Variants in WDR70 observed in about 807,000 individuals in gnomAD.
The protein encoded by WDR70 is WD repeat-containing protein 70.
In WDR70, 53 loss-of-function variants were observed where a neutral mutation model predicts 88.6. The observed-to-expected ratio is 0.60, with a 90% confidence interval of 0.48 to 0.75. The LOEUF (loss-of-function observed/expected upper bound fraction) is 0.75, where lower values mean the gene tolerates loss of function less well. Ranked by LOEUF, WDR70 falls within the 30% of genes least tolerant of loss-of-function variation. The pLI is 0.00. For missense variants in WDR70, 610 were observed against 823.2 expected (o/e 0.74, Z 3.17); for synonymous variants, 280 against 270.0 (o/e 1.04, Z -0.36).
intron 3 of WDR70, among the ~76,000 whole-genome samples, chr5:37,384,660 CAAAAAAAAAA>C (rs70978807): frequency 8.4e-5 from 5 of 59,474 alleles, no homozygotes; most frequent in African/African-American, 1.5e-4. Context: ...ACTCTTGTCT[CAAAAAAAAAA>C]AAAAAAAAAA....
At position 37,437,959 on chromosome 5, in the gene WDR70, C is replaced by T. The variant is rs571718846; in HGVS notation, c.530C>T (p.Thr177Met). ...AAGATTCCTGACTCGCATGAGATAA[C>T]GCTGAAGCATGGCACTAAAACAGTA... ...VHKIPDSHEI[T>M]LKHGTKTVSA... Residue 177 changes from threonine to methionine, a missense_variant, in exon 6 of 18, where the codon ACG becomes ATG. Thr to Met is a moderately conservative substitution (Grantham distance 81). Around this residue, in one of 4 missense-constraint regions of WDR70, gnomAD observed 203 missense variants for 228.1 expected, o/e 0.89. Transcript: ENST00000265107. The T allele has an allele frequency of 5.3e-5, 85 of 1,610,382 alleles. No individual in the cohort carries two copies. In the South Asian group the frequency reaches 6.8e-4, roughly 13 times the overall value.
At chr5:37,487,529 ATTAAG>A (rs1017665960) in intron 8 of WDR70, among the ~76,000 whole-genome samples, 8 of 148,902 alleles carry the variant, frequency 5.4e-5, no homozygotes, top group South Asian at 2.1e-4. Context: ...TCCTAATTAT[ATTAAG>A]TTGTTATATT....
intron 10 of WDR70, among the ~76,000 whole-genome samples, chr5:37,663,187 G>T (rs2112579418): frequency 6.6e-6 from 1 of 152,220 alleles, no homozygotes; most frequent in South Asian, 2.1e-4. Context: ...AAGGGAAAAT[G>T]GTTTTAGTTT....
chr5:37,486,576 C>G (rs1389649519), intron 8 of WDR70, among the ~76,000 whole-genome samples: 1 of 152,102 alleles, frequency 6.6e-6, no homozygotes, highest in Non-Finnish European at 1.5e-5. Flanking sequence ...AACTCCTGAC[C>G]TCATGTGATC....
chr5:37,423,562 G>GTTTTTTTTTTTT (rs1750018083), intron 5 of WDR70, among the ~76,000 whole-genome samples: 1 of 126,492 alleles, frequency 7.9e-6, no homozygotes, highest in East Asian at 2.7e-4. Flanking sequence ...GTTTTTTTTT[G>GTTTTTTTTTTTT]TCTTTTTTTT....
intron 3 of WDR70, among the ~76,000 whole-genome samples, chr5:37,387,576 T>G (rs2886591): frequency 1.3e-5 from 2 of 152,084 alleles, no homozygotes; most frequent in Non-Finnish European, 2.9e-5. Context: ...AGCTTTAGCA[T>G]GTAAATAGAA....
intron 9 of WDR70, among the ~76,000 whole-genome samples, chr5:37,517,296 T>G (rs1740917211): frequency 6.6e-6 from 1 of 152,228 alleles, no homozygotes; most frequent in Non-Finnish European, 1.5e-5. Flanking sequence ...ATTGATTAAA[T>G]TTGGTGTGTA....
chr5:37,442,443 A>G lies in WDR70; in HGVS notation c.553-796A>G, dbSNP rs180755718. On this transcript the variant is annotated intron_variant, in intron 6 of 17. Transcript: ENST00000265107. ...AACCTCCGCCTCCCAAGTTCAAGCAATTTTTGTGCCTCAGCATTACAGGTG... is the reference window on the plus strand; with the variant it reads ...AACCTCCGCCTCCCAAGTTCAAGCAGTTTTTGTGCCTCAGCATTACAGGTG... 5.2e-4 allele frequency among the ~76,000 whole-genome samples: 78 copies of G among 151,406 alleles called. 1 individual carries two copies. The East Asian group carries it at 0.014, about 27-fold the overall frequency.
intron 9 of WDR70, among the ~76,000 whole-genome samples, chr5:37,539,233 T>C (rs1019664111): frequency 6.6e-6 from 1 of 152,236 alleles, no homozygotes; most frequent in Non-Finnish European, 1.5e-5. Context: ...CTATTCTTGT[T>C]ATACACTGTG....
chr5:37,551,182 G>A (rs1299787577), intron 9 of WDR70, among the ~76,000 whole-genome samples: 1 of 151,618 alleles, frequency 6.6e-6, no homozygotes, highest in African/African-American at 2.4e-5. Flanking sequence ...GCACATGCCT[G>A]TAGTCCCAGC....
chr5:37,483,674 C>T (rs1194785513), intron 8 of WDR70, among the ~76,000 whole-genome samples: 49 of 150,374 alleles, frequency 3.3e-4, no homozygotes, highest in African/African-American at 1.0e-3. Context: ...CCAGAAGGGG[C>T]GGCCAGGCAG....
chr5:37,678,802 T>C (rs1746318593), intron 10 of WDR70, among the ~76,000 whole-genome samples: 1 of 152,268 alleles, frequency 6.6e-6, no homozygotes, highest in Non-Finnish European at 1.5e-5. Context: ...GGGGAAATTC[T>C]CCTGGATAAT....
chr5:37,693,913 A>C (rs1746896931), intron 10 of WDR70, among the ~76,000 whole-genome samples: 1 of 152,264 alleles, frequency 6.6e-6, no homozygotes, highest in Non-Finnish European at 1.5e-5. Flanking sequence ...CAGAGTGAAC[A>C]GGCAACCTAC....
chr5:37,644,855 TTCTG>T (rs1241429178), intron 10 of WDR70, among the ~76,000 whole-genome samples: 1 of 152,004 alleles, frequency 6.6e-6, no homozygotes, highest in Non-Finnish European at 1.5e-5. Flanking sequence ...AATTTGGGTC[TTCTG>T]TCTTTTTTTG....
intron 9 of WDR70, among the ~76,000 whole-genome samples, chr5:37,525,797 G>C (rs959376653): frequency 6.6e-6 from 1 of 151,800 alleles, no homozygotes; most frequent in African/African-American, 2.4e-5. Context: ...ATGATAAAGG[G>C]GATATCACCA....
chr5:37,651,538 A>T (rs1243601913), intron 10 of WDR70, among the ~76,000 whole-genome samples: 1 of 152,160 alleles, frequency 6.6e-6, no homozygotes, highest in Non-Finnish European at 1.5e-5. Flanking sequence ...AGGAATTGCC[A>T]CCCTGTCTTC....
At chr5:37,535,968 A>G (rs1037909809) in intron 9 of WDR70, among the ~76,000 whole-genome samples, 1 of 152,228 alleles carries the variant, frequency 6.6e-6, no homozygotes, top group African/African-American at 2.4e-5. Flanking sequence ...AGAAGATGCA[A>G]ATCTCTTTTA....
At chr5:37,532,511 C>G (rs1019656283) in intron 9 of WDR70, among the ~76,000 whole-genome samples, 1 of 152,012 alleles carries the variant, frequency 6.6e-6, no homozygotes, top group Non-Finnish European at 1.5e-5. Context: ...GCCTTGTCTT[C>G]GAGCCCTGAA....
intron 8 of WDR70, among the ~76,000 whole-genome samples, chr5:37,514,093 T>A (rs1740804115): frequency 1.3e-5 from 2 of 151,828 alleles, no homozygotes. Context: ...TAGCTCACTG[T>A]AACCTCCAAC....
Sources: allele counts gnomAD v4.1 joint callset (sites outside exome capture counted in the v4.1 genomes callset), GRCh38; gene constraint gnomAD v4.1.1; regional missense constraint gnomAD v4.1.1; transcripts MANE v1.5; gene names NCBI Gene and HGNC (gene_info 2026-07-23, HGNC 2026-07-21).